Variants in NCOA3 observed in about 807,000 individuals in gnomAD.
NCOA3 encodes CBP-interacting protein.
In NCOA3, 51 loss-of-function variants were observed where a neutral mutation model predicts 158.8. That is an observed-to-expected ratio of 0.32 (90% confidence interval 0.26 to 0.41). The LOEUF (loss-of-function observed/expected upper bound fraction) is 0.41, where lower values mean the gene tolerates loss of function less well. NCOA3 is among the 10% of genes least tolerant of loss of function. NCOA3 has a pLI of 1.00. For missense variants in NCOA3, 1,510 were observed against 1,746.6 expected (o/e 0.86, Z 2.41); for synonymous variants, 537 against 592.4 (o/e 0.91, Z 1.36).
chr20:47,640,194 A>C, intron 16 of NCOA3, 143 bp downstream of exon 16: 1 of 1,084,538 alleles, frequency 9.2e-7, no homozygotes. Context: ...TTTCTCGTGT[A>C]ACTCTGTGTA....
At chr20:47,615,618 A>G (rs576927366) in intron 2 of NCOA3, among the ~76,000 whole-genome samples, 52 of 152,194 alleles carry the variant, frequency 3.4e-4, no homozygotes, top group Non-Finnish European at 7.2e-4. Flanking sequence ...TTATTCCATG[A>G]AAGTTCATTT....
chr20:47,596,812 C>T (rs1331351174), intron 2 of NCOA3, among the ~76,000 whole-genome samples: 9 of 152,060 alleles, frequency 5.9e-5, no homozygotes, highest in South Asian at 2.1e-4. Context: ...AGGGTGGTCT[C>T]GAACTGAGCT....
At chr20:47,540,593 A>G (rs1426125776) in intron 1 of NCOA3, among the ~76,000 whole-genome samples, 1 of 151,964 alleles carries the variant, frequency 6.6e-6, no homozygotes, top group Non-Finnish European at 1.5e-5. Context: ...AAAAAAATTC[A>G]AATATCTTTG....
In NCOA3 at chr20:47,653,881, G is replaced by GT. The variant is rs1443578353; in HGVS notation, c.*465dup. ...CCCAGCCTTCAGGTGTAGTAGTTCT[G>GT]TGTTGACCCTTTGTCCAGTGGAATT... On this transcript the variant is annotated 3_prime_UTR_variant, in exon 23 of 23. Transcript: ENST00000371998. The GT allele has an allele frequency of 6.1e-6, 1 of 162,914 alleles. No individual in the cohort carries two copies. The highest frequency in any genetic ancestry group is 2.4e-5 in the African/African-American group (1 of 41,712). The allele number at this position is 162,914 out of a possible 1,614,324, so 10.1% of individuals were successfully genotyped here. A position where few individuals can be genotyped will look rare whatever the true frequency, so the allele number is the denominator to read the frequency against.
chr20:47,650,878 G>T (rs2086774086), intron 19 of NCOA3, 104 bp from the exon 20 acceptor site: 6 of 1,104,154 alleles, frequency 5.4e-6, no homozygotes, highest in Non-Finnish European at 8.0e-6. Context: ...AGAAGGCCCT[G>T]GGTGTTTTCT....
intron 1 of NCOA3, among the ~76,000 whole-genome samples, chr20:47,519,882 C>T (rs1289440137): frequency 6.6e-6 from 1 of 152,088 alleles, no homozygotes; most frequent in East Asian, 1.9e-4. Flanking sequence ...CTGCCTCAGC[C>T]TCCCAAGTAG....
chr20:47,624,578 G>A (rs1181869889), intron 4 of NCOA3, among the ~76,000 whole-genome samples: 1 of 152,120 alleles, frequency 6.6e-6, no homozygotes, highest in Non-Finnish European at 1.5e-5. Flanking sequence ...CTGACCTCCT[G>A]CTGTGCAGCC....
chr20:47,536,127 C>G (rs932286657), intron 1 of NCOA3, among the ~76,000 whole-genome samples: 2 of 152,186 alleles, frequency 1.3e-5, no homozygotes, highest in Admixed American at 6.5e-5. Context: ...TTTTTGGGTG[C>G]GTAAACAGAA....
At chr20:47,561,384 T>C (rs1345678823) in intron 1 of NCOA3, among the ~76,000 whole-genome samples, 1 of 151,760 alleles carries the variant, frequency 6.6e-6, no homozygotes, top group African/African-American at 2.4e-5. Flanking sequence ...CACTGCAGCT[T>C]CAAATTCCTG....
intron 1 of NCOA3, among the ~76,000 whole-genome samples, chr20:47,566,436 A>G (rs746424767): frequency 6.6e-6 from 1 of 152,156 alleles, no homozygotes; most frequent in African/African-American, 2.4e-5. Context: ...CTTGGATTAA[A>G]TGTTGTATCT....
intron 16 of NCOA3, 55 bp downstream of exon 16, chr20:47,640,106 A>ACT: frequency 6.2e-7 from 1 of 1,610,092 alleles, no homozygotes; most frequent in Non-Finnish European, 8.5e-7. Context: ...TAGTTTAGAA[A>ACT]AGAGTTGGAG....
chr20:47,553,152 C>G lies in NCOA3; in HGVS notation c.-98-30031C>G, dbSNP rs72662704. 2.1e-4 allele frequency among the ~76,000 whole-genome samples: 32 copies of G among 152,122 alleles called. No homozygotes were observed. The East Asian group carries it at 6.2e-3, about 29-fold the overall frequency. On this transcript the variant is annotated intron_variant, in intron 1 of 22. Coordinates refer to ENST00000371998, the MANE Select transcript of NCOA3 (RefSeq NM_181659.3). ...GTTTCGCCATGTTGCTCAGTCTGGT[C>G]TTGAATTCCTGGGCTTAAGGGATTT...
chr20:47,636,847 GTTTA>G (rs2086524377), intron 12 of NCOA3, 85 bp downstream of exon 12: 4 of 1,299,754 alleles, frequency 3.1e-6, no homozygotes, highest in South Asian at 1.7e-5. Context: ...TCCATTTTAG[GTTTA>G]TTTAAAGAAA....
At chr20:47,635,228 TG>T in intron 10 of NCOA3, 93 bp from the exon 11 acceptor site, 1 of 1,265,566 alleles carries the variant, frequency 7.9e-7, no homozygotes, top group Non-Finnish European at 1.1e-6. Context: ...TGTAGCTGGC[TG>T]GTTTTTTAAA....
intron 17 of NCOA3, among the ~76,000 whole-genome samples, chr20:47,643,142 G>A (rs1171759144): frequency 2.0e-5 from 3 of 152,222 alleles, no homozygotes; most frequent in Admixed American, 2.0e-4. Flanking sequence ...TCAAACTTCT[G>A]ACCTCAAGTG....
At chr20:47,632,182 CG>C (rs1175195009) in intron 8 of NCOA3, among the ~76,000 whole-genome samples, 5 of 152,030 alleles carry the variant, frequency 3.3e-5, no homozygotes, top group African/African-American at 1.2e-4. Context: ...TCAAGAAATC[CG>C]GAAATGCTTT....
intron 1 of NCOA3, among the ~76,000 whole-genome samples, chr20:47,546,527 GTT>G (rs35925841): frequency 7.2e-4 from 87 of 120,260 alleles, no homozygotes; most frequent in African/African-American, 1.7e-3. Context: ...ACTTGCCTCT[GTT>G]TTTTTTTTTT....
At position 47,655,317 on chromosome 20, in the gene NCOA3, C is replaced by T. The variant is rs2086855209; in HGVS notation, c.*1900C>T. On this transcript the variant is annotated 3_prime_UTR_variant, in exon 23 of 23. Coordinates refer to ENST00000371998, the MANE Select transcript of NCOA3 (RefSeq NM_181659.3). ...TGGGTTTCTGAATGTCTGTGAATTT[C>T]AGAGGTCTCTGCTAGCCTTGGTATC... The T allele has an allele frequency of 2.0e-5, 3 of 152,196 alleles. No individual in the cohort carries two copies. Among genetic ancestry groups the T allele is most frequent in the Admixed American group, 2.0e-4 (3 of 15,274 alleles). 9.4% of individuals were successfully genotyped at this position (152,196 alleles called of 1,614,324 possible).
intron 1 of NCOA3, among the ~76,000 whole-genome samples, chr20:47,550,383 G>T (rs935662900): frequency 4.0e-5 from 6 of 148,224 alleles, no homozygotes; most frequent in Non-Finnish European, 7.4e-5. Flanking sequence ...GGCAGAGGTT[G>T]CTGTGAGCTG....
Sources: allele counts gnomAD v4.1 joint callset (sites outside exome capture counted in the v4.1 genomes callset), GRCh38; gene constraint gnomAD v4.1.1; transcripts MANE v1.5; gene names NCBI Gene and HGNC (gene_info 2026-07-23, HGNC 2026-07-21).